The following ATXN7L1 variants were observed in gnomAD, a reference collection of about 807,000 sequenced individuals.
ATXN7L1 encodes ataxin 7 like 1.
ATXN7L1 carries 15 observed loss-of-function variants against 70.8 expected under a neutral mutation model. The ratio of observed to expected loss-of-function variants is 0.21; its 90% CI spans 0.14 to 0.33. ATXN7L1 has a LOEUF of 0.33. Ranked by LOEUF, ATXN7L1 falls within the 10% of genes least tolerant of loss-of-function variation. ATXN7L1 has a pLI of 1.00. For missense variants in ATXN7L1, 975 were observed against 1,097.1 expected (o/e 0.89, Z 1.57); for synonymous variants, 440 against 445.1 (o/e 0.99, Z 0.14).
intron 3 of ATXN7L1, among the ~76,000 whole-genome samples, chr7:105,724,531 G>T (rs1288496371): frequency 1.5e-5 from 2 of 129,978 alleles, no homozygotes; most frequent in Admixed American, 9.4e-5. Context: ...CTGAGATCAC[G>T]CCATTGCACT....
chr7:105,739,397 C>T (rs1797766681), intron 3 of ATXN7L1, among the ~76,000 whole-genome samples: 1 of 152,200 alleles, frequency 6.6e-6, no homozygotes, highest in Non-Finnish European at 1.5e-5. Context: ...GAGAAGCACG[C>T]CCAGAAGGCC....
At chr7:105,643,535 C>A (rs774737100) in intron 4 of ATXN7L1, among the ~76,000 whole-genome samples, 31 of 152,246 alleles carry the variant, frequency 2.0e-4, no homozygotes, top group Non-Finnish European at 3.8e-4. Flanking sequence ...CCCCTCCCCC[C>A]GCTGCTCAGC....
At chr7:105,689,034 A>C (rs1264853615) in intron 3 of ATXN7L1, among the ~76,000 whole-genome samples, 3 of 152,310 alleles carry the variant, frequency 2.0e-5, no homozygotes, top group Middle Eastern at 3.4e-3. Flanking sequence ...AGACTCCCAA[A>C]GGTTTGACGA....
At chr7:105,791,195 C>T (rs1585015380) in intron 2 of ATXN7L1, among the ~76,000 whole-genome samples, 4 of 152,214 alleles carry the variant, frequency 2.6e-5, no homozygotes, top group Admixed American at 2.0e-4. Context: ...ACTGTAGGGG[C>T]CTCCCCAGGT....
At chr7:105,632,066 C>G (rs1394247923) in intron 7 of ATXN7L1, among the ~76,000 whole-genome samples, 1 of 152,216 alleles carries the variant, frequency 6.6e-6, no homozygotes, top group African/African-American at 2.4e-5. Context: ...TTTTGGTCGA[C>G]AACCTCACAC....
chr7:105,697,409 T>G (rs1454959001), intron 3 of ATXN7L1, among the ~76,000 whole-genome samples: 1 of 152,200 alleles, frequency 6.6e-6, no homozygotes, highest in Non-Finnish European at 1.5e-5. Context: ...ATTTCTCCCA[T>G]TTGCTTTTGA....
At chr7:105,672,076 A>G (rs929880926) in intron 3 of ATXN7L1, among the ~76,000 whole-genome samples, 38 of 152,024 alleles carry the variant, frequency 2.5e-4, no homozygotes, top group African/African-American at 9.2e-4. Flanking sequence ...ACACGAGGTC[A>G]GGAGTTCGAG....
chr7:105,755,072 G>C (rs1195516539), intron 3 of ATXN7L1, among the ~76,000 whole-genome samples: 3 of 152,274 alleles, frequency 2.0e-5, no homozygotes, highest in South Asian at 2.1e-4. Context: ...AAAACTCCCA[G>C]CAACCTCTTT....
intron 3 of ATXN7L1, among the ~76,000 whole-genome samples, chr7:105,700,092 TG>T (rs1445895864): frequency 6.6e-6 from 1 of 152,236 alleles, no homozygotes; most frequent in East Asian, 1.9e-4. Flanking sequence ...CTTCACTCAA[TG>T]GCAGAGCTCA....
intron 2 of ATXN7L1, among the ~76,000 whole-genome samples, chr7:105,873,603 C>A (rs1818599715): frequency 6.6e-6 from 1 of 152,188 alleles, no homozygotes; most frequent in South Asian, 2.1e-4. Flanking sequence ...TCAGGAATTG[C>A]TCACCCAAGT....
intron 3 of ATXN7L1, among the ~76,000 whole-genome samples, chr7:105,682,489 C>T (rs1283160025): frequency 6.6e-6 from 1 of 152,198 alleles, no homozygotes; most frequent in South Asian, 2.1e-4. Flanking sequence ...ATGTTCATAG[C>T]TGCTCTATTC....
intron 3 of ATXN7L1, among the ~76,000 whole-genome samples, chr7:105,787,764 A>C (rs6466074): frequency 1.3e-5 from 2 of 151,970 alleles, no homozygotes; most frequent in Admixed American, 1.3e-4. Flanking sequence ...CGAAACCTTA[A>C]TGGTAAGGAG....
At chr7:105,725,209 A>G (rs1457243561) in intron 3 of ATXN7L1, among the ~76,000 whole-genome samples, 1 of 152,172 alleles carries the variant, frequency 6.6e-6, no homozygotes, top group East Asian at 1.9e-4. Context: ...AAAGCTAAAG[A>G]GAGAAGAAAG....
intron 3 of ATXN7L1, among the ~76,000 whole-genome samples, chr7:105,745,374 T>C (rs939906884): frequency 1.2e-4 from 18 of 152,220 alleles, no homozygotes; most frequent in African/African-American, 3.9e-4. Flanking sequence ...ATTACACTCT[T>C]TCCTCTTTCT....
chr7:105,651,030 T>G (rs1799756687), intron 4 of ATXN7L1, among the ~76,000 whole-genome samples: 1 of 152,220 alleles, frequency 6.6e-6, no homozygotes, highest in Non-Finnish European at 1.5e-5. Flanking sequence ...TGTTGCTGGA[T>G]GCATTACGGT....
At chr7:105,696,636 G>A (rs1241686371) in intron 3 of ATXN7L1, among the ~76,000 whole-genome samples, 2 of 152,210 alleles carry the variant, frequency 1.3e-5, no homozygotes, top group African/African-American at 2.4e-5. Flanking sequence ...ATGGAGAGAT[G>A]TGGAATATTA....
At chr7:105,808,350 C>G (rs751130144) in intron 2 of ATXN7L1, among the ~76,000 whole-genome samples, 5 of 152,188 alleles carry the variant, frequency 3.3e-5, no homozygotes, top group Non-Finnish European at 5.9e-5. Context: ...GGGGAGACAG[C>G]AAAACCCAAA....
intron 3 of ATXN7L1, among the ~76,000 whole-genome samples, chr7:105,732,055 T>C (rs1239043276): frequency 6.6e-6 from 1 of 152,022 alleles, no homozygotes; most frequent in Non-Finnish European, 1.5e-5. Flanking sequence ...ATTGTGACAC[T>C]GTACTCCAGC....
intron 7 of ATXN7L1, among the ~76,000 whole-genome samples, chr7:105,637,101 A>G (rs1287384010): frequency 6.6e-6 from 1 of 152,212 alleles, no homozygotes; most frequent in Non-Finnish European, 1.5e-5. Context: ...CGGTGACAGT[A>G]ACGCCACGAT....
Sources: allele counts gnomAD v4.1 joint callset (sites outside exome capture counted in the v4.1 genomes callset), GRCh38; gene constraint gnomAD v4.1.1; transcripts MANE v1.5; gene names NCBI Gene and HGNC (gene_info 2026-07-23, HGNC 2026-07-21).